The following PPP2R5E variants were observed in gnomAD, a reference collection of about 807,000 sequenced individuals.
PPP2R5E encodes the protein protein phosphatase 2 regulatory subunit B'epsilon.
PPP2R5E carries 4 observed loss-of-function variants against 65.3 expected under a neutral mutation model. The observed-to-expected ratio is 0.06, with a 90% CI of 0.03 to 0.14. The LOEUF is 0.14. PPP2R5E is among the 10% of genes least tolerant of loss of function. PPP2R5E has a pLI of 1.00. For missense variants in PPP2R5E, 274 were observed against 556.1 expected (o/e 0.49, Z 5.10); for synonymous variants, 183 against 187.4 (o/e 0.98, Z 0.19).
At position 63,420,790 on chromosome 14, in the gene PPP2R5E, C is replaced by T. The variant is rs1204387851; in HGVS notation, c.456+1203G>A. Among the ~76,000 whole-genome samples, 4 of 100,964 alleles carry T rather than the reference C, an allele frequency of 4.0e-5. 2 individuals carry two copies. The highest frequency in any genetic ancestry group is 7.6e-5 in the Non-Finnish European group (4 of 52,530). 66.2% of individuals were successfully genotyped at this position (100,964 alleles called of 152,430 possible). A position where few individuals can be genotyped will look rare whatever the true frequency, so the allele number is the denominator to read the frequency against. ...ACCTGAGGCCGGGCGCGGTGGCTCA[C>T]GCCTGTAATCCCAGCACTTTGGGAG... On this transcript the variant is annotated intron_variant, in intron 4 of 13. Coordinates refer to ENST00000337537, the MANE Select transcript of PPP2R5E (RefSeq NM_006246.5).
At chr14:63,486,742 G>A (rs1891019622) in intron 2 of PPP2R5E, among the ~76,000 whole-genome samples, 1 of 152,028 alleles carries the variant, frequency 6.6e-6, no homozygotes, top group African/African-American at 2.4e-5. Flanking sequence ...CTAATCCCAT[G>A]TCTAACCCCT....
At chr14:63,417,772 G>T (rs1233517584) in intron 4 of PPP2R5E, among the ~76,000 whole-genome samples, 1 of 152,148 alleles carries the variant, frequency 6.6e-6, no homozygotes, top group African/African-American at 2.4e-5. Context: ...TTTGACACAA[G>T]TGCCTTGATT....
At chr14:63,534,142 GATT>G (rs1290972881) in intron 2 of PPP2R5E, among the ~76,000 whole-genome samples, 1 of 152,130 alleles carries the variant, frequency 6.6e-6, no homozygotes, top group Admixed American at 6.6e-5. Flanking sequence ...TACTACCACT[GATT>G]ATTATTAACA....
chr14:63,525,147 C>T (rs994394726), intron 2 of PPP2R5E, among the ~76,000 whole-genome samples: 1 of 152,200 alleles, frequency 6.6e-6, no homozygotes, highest in African/African-American at 2.4e-5. Flanking sequence ...GGTACATTGC[C>T]TGGCACACCG....
Position 63,473,276 on chromosome 14 carries a change from T to G in PPP2R5E, c.158-19391A>C, listed in dbSNP as rs115028403. Reference sequence around the variant, plus strand: ...CGAAATAGGACTGGAAACAAGGGGCTATAAATTAAACGGTAGAGATTCCAG... The same window carrying G: ...CGAAATAGGACTGGAAACAAGGGGCGATAAATTAAACGGTAGAGATTCCAG... On this transcript the variant is annotated intron_variant, in intron 2 of 13. Coordinates refer to ENST00000337537, the MANE Select transcript of PPP2R5E (RefSeq NM_006246.5). Among the ~76,000 whole-genome samples, 380 of 152,290 alleles carry G rather than the reference T, an allele frequency of 2.5e-3. 5 individuals carry two copies. Among genetic ancestry groups the G allele is most frequent in the African/African-American group, 9.0e-3 (375 of 41,560 alleles).
chr14:63,424,721 A>C (rs150840704), intron 3 of PPP2R5E, among the ~76,000 whole-genome samples: 1,600 of 151,402 alleles, frequency 0.011, 10 homozygotes, highest in Non-Finnish European at 0.019. Flanking sequence ...ACCGCACTCC[A>C]GCCTGGGCAA....
At chr14:63,429,841 T>A (rs956238871) in intron 3 of PPP2R5E, among the ~76,000 whole-genome samples, 1 of 151,964 alleles carries the variant, frequency 6.6e-6, no homozygotes, top group Admixed American at 6.6e-5. Flanking sequence ...CGCCACCACG[T>A]CCAGCTAATT....
intron 2 of PPP2R5E, among the ~76,000 whole-genome samples, chr14:63,501,489 GATAC>G (rs1891882980): frequency 6.6e-6 from 1 of 152,170 alleles, no homozygotes; most frequent in Admixed American, 6.5e-5. Context: ...CAAATCCAGA[GATAC>G]ATACATAAAG....
intron 3 of PPP2R5E, among the ~76,000 whole-genome samples, chr14:63,433,092 C>T (rs1887777420): frequency 7.3e-6 from 1 of 136,658 alleles, no homozygotes; most frequent in Non-Finnish European, 1.5e-5. Context: ...GGCTGGAGTG[C>T]AGTGGTGCGA....
chr14:63,428,240 G>T (rs1887446239), intron 3 of PPP2R5E, among the ~76,000 whole-genome samples: 1 of 152,082 alleles, frequency 6.6e-6, no homozygotes, highest in African/African-American at 2.4e-5. Flanking sequence ...GTCTCCCCCA[G>T]TTAGATTTTG....
chr14:63,530,735 C>T (rs960577575), intron 2 of PPP2R5E, among the ~76,000 whole-genome samples: 2 of 144,634 alleles, frequency 1.4e-5, no homozygotes, highest in African/African-American at 5.1e-5. Flanking sequence ...TCTCCTCAGT[C>T]TCCCAAGTAG....
chr14:63,410,315 A>G (rs1303184757), intron 5 of PPP2R5E, among the ~76,000 whole-genome samples: 2 of 152,204 alleles, frequency 1.3e-5, no homozygotes, highest in Non-Finnish European at 2.9e-5. Flanking sequence ...TTTCCATGTC[A>G]TAAGAGAAAC....
intron 5 of PPP2R5E, among the ~76,000 whole-genome samples, chr14:63,408,711 T>C (rs764838808): frequency 2.4e-4 from 37 of 152,248 alleles, no homozygotes; most frequent in Admixed American, 5.9e-4. Context: ...TCTTTCCATC[T>C]AGCAATATGC....
rs1594892096 is a variant in PPP2R5E, at chr14:63,453,859, G to A, written c.184C>T (p.Leu62=). ...KDVPSSEQPE[L]FLKKLQQCCV... is the part of the protein sequence containing the mutation. ...CACTGCTGAAGTTTCTTTAGGAACA[G>A]TTCAGGCTGCTCTGAGGATGGAACG... Residue 62 remains leucine (L), a synonymous_variant, in exon 3 of 14, where the codon CTG becomes TTG. Coordinates refer to ENST00000337537, the MANE Select transcript of PPP2R5E (RefSeq NM_006246.5). 1 of 1,519,828 alleles carries A rather than the reference G, an allele frequency of 6.6e-7. No homozygotes were observed. 94.1% of individuals were successfully genotyped at this position (1,519,828 alleles called of 1,614,324 possible).
rs1303153322 is a variant in PPP2R5E at position 63,374,660 on chromosome 14, TATATATATAA to T, written c.*1339_*1348del. The T allele has an allele frequency of 7.6e-6, 1 of 130,752 alleles. No homozygotes were observed. Among genetic ancestry groups the T allele is most frequent in the Non-Finnish European group, 1.5e-5 (1 of 64,518 alleles). 8.1% of individuals were successfully genotyped at this position (130,752 alleles called of 1,614,324 possible). On this transcript the variant is annotated 3_prime_UTR_variant, in exon 14 of 14. Transcript: ENST00000337537. ...ATATATATATATATATATATATATA[TATATATATAA>T]AATACAGCCCTAGATTTTGTTTTTT...
intron 2 of PPP2R5E, among the ~76,000 whole-genome samples, chr14:63,461,853 C>T (rs1889486957): frequency 1.3e-5 from 2 of 151,730 alleles, no homozygotes; most frequent in African/African-American, 4.9e-5. Flanking sequence ...CACATACACA[C>T]ACACACACAT....
intron 2 of PPP2R5E, among the ~76,000 whole-genome samples, chr14:63,515,553 C>A (rs1760930241): frequency 6.7e-6 from 1 of 149,728 alleles, no homozygotes; most frequent in Non-Finnish European, 1.5e-5. Context: ...TTTTTTGAGT[C>A]AGAGTCTCAC....
intron 2 of PPP2R5E, among the ~76,000 whole-genome samples, chr14:63,478,247 T>C (rs553726949): frequency 7.2e-5 from 11 of 152,316 alleles, no homozygotes; most frequent in African/African-American, 2.6e-4. Flanking sequence ...ACGGTGAAAC[T>C]GAAACCCAGA....
intron 2 of PPP2R5E, among the ~76,000 whole-genome samples, chr14:63,497,582 TACAAAAAAC>T (rs1891633920): frequency 6.6e-6 from 1 of 151,982 alleles, no homozygotes; most frequent in South Asian, 2.1e-4. Flanking sequence ...AACCCGTCTC[TACAAAAAAC>T]ACAAAAATTA....
Sources: gnomAD v4.1 joint callset for allele counts (sites outside exome capture counted in the v4.1 genomes callset) on GRCh38, gnomAD v4.1.1 for gene constraint, MANE v1.5 for transcripts, NCBI Gene and HGNC (gene_info 2026-07-23, HGNC 2026-07-21) for gene names.